The following LVRN variants were observed in gnomAD, a reference collection of about 807,000 sequenced individuals.
LVRN encodes laeverin.
In LVRN, 99 loss-of-function variants were observed where a neutral mutation model predicts 111.4. The observed-to-expected ratio is 0.89, with a 90% CI of 0.76 to 1.05. The LOEUF is 1.05. Among genes scored for constraint, LVRN ranks in the 50% least tolerant of loss-of-function variants. The probability of loss-of-function intolerance (pLI) is 0.00; values close to 1 mark genes in which losing one functional copy is unlikely to be tolerated. For synonymous variants in LVRN, 488 were observed against 449.5 expected (o/e 1.09, Z -1.08); for missense variants, 1,414 against 1,206.8 (o/e 1.17, Z -2.54).
At chr5:115,991,656 T>G (rs887979287) in intron 4 of LVRN, among the ~76,000 whole-genome samples, 4 of 152,218 alleles carry the variant, frequency 2.6e-5, no homozygotes, top group Admixed American at 6.5e-5. Flanking sequence ...TTGCTCCACA[T>G]CCTCATCTGC....
chr5:115,981,374 C>T (rs10478267), intron 1 of LVRN, among the ~76,000 whole-genome samples: 74,017 of 151,942 alleles, frequency 0.49, 18,806 homozygotes, highest in African/African-American at 0.64. Context: ...TCAAATTTAC[C>T]AGGGCGACGA....
chr5:115,996,839 T>G (rs1748123768), intron 6 of LVRN, among the ~76,000 whole-genome samples: 1 of 152,132 alleles, frequency 6.6e-6, no homozygotes, highest in African/African-American at 2.4e-5. Flanking sequence ...GCCTTTACTA[T>G]GATGGTAAGC....
At chr5:115,998,569 C>T (rs913712116) in intron 6 of LVRN, among the ~76,000 whole-genome samples, 4 of 152,146 alleles carry the variant, frequency 2.6e-5, no homozygotes, top group African/African-American at 9.7e-5. Flanking sequence ...ACCAGTGAGA[C>T]ACTCTCAAGA....
At chr5:116,005,887 G>C in intron 12 of LVRN, 25 bp from the exon 13 acceptor site, 1 of 1,572,450 alleles carries the variant, frequency 6.4e-7, no homozygotes, top group South Asian at 1.1e-5. Context: ...TCTTCTTCTG[G>C]GCATATTTGG....
intron 1 of LVRN, among the ~76,000 whole-genome samples, chr5:115,979,918 G>T (rs139503075): frequency 3.9e-4 from 60 of 152,292 alleles, no homozygotes; most frequent in African/African-American, 1.4e-3. Flanking sequence ...GGATGTAGTA[G>T]ATTTTTGTTT....
intron 18 of LVRN, among the ~76,000 whole-genome samples, chr5:116,017,041 T>C (rs973464632): frequency 1.3e-5 from 2 of 152,168 alleles, no homozygotes; most frequent in African/African-American, 4.8e-5. Flanking sequence ...ATCTGATAAA[T>C]GCTGTAGAGG....
At chr5:115,974,498 T>C (rs1753395100) in intron 1 of LVRN, 1 of 152,334 alleles carries the variant, frequency 6.6e-6, no homozygotes, top group Non-Finnish European at 1.5e-5. Context: ...GTAACACTTT[T>C]CAATAAAAGA....
chr5:116,012,537 A>T, intron 15 of LVRN, 69 bp downstream of exon 15: 2 of 939,030 alleles, frequency 2.1e-6, no homozygotes, highest in Non-Finnish European at 3.2e-6. Context: ...AGAAGTAATA[A>T]AATAAAATCT....
At chr5:115,968,437 C>CTTTTTT (rs5870675) in intron 1 of LVRN, among the ~76,000 whole-genome samples, 1 of 131,552 alleles carries the variant, frequency 7.6e-6, no homozygotes, top group African/African-American at 2.9e-5. Flanking sequence ...GTTCCCCACC[C>CTTTTTT]TTTTTTTTTT....
chr5:115,983,119 G>A (rs188834163), intron 1 of LVRN, among the ~76,000 whole-genome samples, 168 bp from the exon 2 acceptor site: 4 of 152,286 alleles, frequency 2.6e-5, no homozygotes, highest in African/African-American at 9.6e-5. Context: ...ATTCTAAGGT[G>A]CCATGATAAT....
intron 18 of LVRN, among the ~76,000 whole-genome samples, chr5:116,020,381 G>A (rs1022328176): frequency 2.6e-5 from 4 of 152,096 alleles, no homozygotes; most frequent in Non-Finnish European, 4.4e-5. Context: ...TATTTGTTCC[G>A]TTATCATCTC....
intron 16 of LVRN, 94 bp downstream of exon 16, chr5:116,014,621 G>C (rs1748561234): frequency 2.0e-6 from 2 of 1,015,326 alleles, no homozygotes; most frequent in East Asian, 2.5e-5. Flanking sequence ...TGAGTGTTTT[G>C]CTTTCACTTG....
In LVRN at chr5:116,012,375, G is replaced by A; in HGVS notation, c.2249G>A (p.Arg750Lys). The stretch of plus-strand genomic sequence containing the variant: ...GTGTATTTTCTTTATTGTTTATAGA[G>A]GTACCTATTAAAGAGACTTAATTTA... The part of the protein sequence containing the change: ...NIYDIYSLLK[R>K]YLLKRLNLIW... Residue 750 changes from arginine to lysine, a missense_variant and splice_region_variant, in exon 15 of 20, where the codon AGG becomes AAG. Arg to Lys is a conservative substitution (Grantham distance 26). Coordinates refer to ENST00000357872, the MANE Select transcript of LVRN (RefSeq NM_173800.5). The A allele has an allele frequency of 1.4e-6, 2 of 1,423,956 alleles. No homozygotes were observed. Among genetic ancestry groups the A allele is most frequent in the East Asian group, 2.3e-5 (1 of 42,926 alleles). The allele number at this position is 1,423,956 out of a possible 1,614,324, so 88.2% of individuals were successfully genotyped here.
chr5:116,014,274 CA>C lies in LVRN; in HGVS notation c.2343-141del, dbSNP rs376187868. 1.2e-4 allele frequency: 79 copies of C among 633,054 alleles called. No individual in the cohort carries two copies. The East Asian group carries it at 1.4e-3, about 12-fold the overall frequency. The allele number at this position is 633,054 out of a possible 1,614,324, so 39.2% of individuals were successfully genotyped here. A position where few individuals can be genotyped will look rare whatever the true frequency, so the allele number is the denominator to read the frequency against. ...GAATCTTAAATACATCTGTCATCCA[CA>C]AAAACAATTTTTTAAAACAAACCTG... On this transcript the variant is annotated intron_variant, in intron 15 of 19. Transcript: ENST00000357872.
At chr5:116,000,730 T>C in intron 9 of LVRN, 72 bp downstream of exon 9, 1 of 1,502,814 alleles carries the variant, frequency 6.7e-7, no homozygotes, top group Non-Finnish European at 9.2e-7. Flanking sequence ...TGGGAGGCCA[T>C]GGGTGAATGG....
chr5:116,006,275 T>G (rs1228910448), intron 13 of LVRN, among the ~76,000 whole-genome samples: 2 of 152,204 alleles, frequency 1.3e-5, no homozygotes, highest in Non-Finnish European at 2.9e-5. Flanking sequence ...ATTTACTCAG[T>G]GTAAGATATG....
rs765174469 is a variant in LVRN at position 115,963,116 on chromosome 5, G to A, written c.499G>A (p.Gly167Arg). 4 of 1,613,576 alleles carry A rather than the reference G, an allele frequency of 2.5e-6. No homozygotes were observed. In the Admixed American group the frequency reaches 6.7e-5, roughly 27 times the overall value. The change falls in exon 1 of 20, where the codon GGG becomes AGG. Residue 167 changes from glycine (G) to arginine (R), a missense_variant. Transcript: ENST00000357872. ...GCGGGGACCCCTTTCCCCGGGCACT[G>A]GGAACGCCACAGTGGGCCGCGTGCC... ...EVRGPLSPGT[G>R]NATVGRVPVD...
At chr5:115,991,567 T>C (rs1029916960) in intron 4 of LVRN, among the ~76,000 whole-genome samples, 1 of 152,218 alleles carries the variant, frequency 6.6e-6, no homozygotes, top group African/African-American at 2.4e-5. Flanking sequence ...TTCCAAGGAA[T>C]GTAATTGTCA....
At chr5:115,964,842 A>C (rs1431787905) in intron 1 of LVRN, among the ~76,000 whole-genome samples, 1 of 152,238 alleles carries the variant, frequency 6.6e-6, no homozygotes, top group African/African-American at 2.4e-5. Flanking sequence ...ACCAAGGTAG[A>C]GCTCCAAAAT....
Sources: gnomAD v4.1 joint callset for allele counts (sites outside exome capture counted in the v4.1 genomes callset) on GRCh38, gnomAD v4.1.1 for gene constraint, MANE v1.5 for transcripts, NCBI Gene and HGNC (gene_info 2026-07-23, HGNC 2026-07-21) for gene names.